Variants in KIF5A observed in about 807,000 individuals in gnomAD.
KIF5A encodes kinesin heavy chain isoform 5A.
In KIF5A, 35 loss-of-function variants were observed where a neutral mutation model predicts 141.3. That is an observed-to-expected ratio of 0.25 (90% CI 0.19 to 0.33). KIF5A has a LOEUF of 0.33. Among genes scored for constraint, KIF5A ranks in the 10% least tolerant of loss-of-function variants. KIF5A has a pLI of 1.00. For missense variants in KIF5A, 861 were observed against 1,314.3 expected, an observed-to-expected ratio of 0.66 and a Z score of 5.33; for synonymous variants, 448 against 500.2, an observed-to-expected ratio of 0.90 and a Z score of 1.39.
In KIF5A at chr12:57,572,720, T is replaced by A; in HGVS notation, c.1710T>A (p.Ile570=). The part of the protein sequence containing the change: ...EFSVIVGNGE[I]KLPVEISGAI... ...GTGTCATTGTGGGCAACGGGGAGATTAAGCTGGTGAGTGGTGAGAGACAGC... is the reference window on the plus strand; with the variant it reads ...GTGTCATTGTGGGCAACGGGGAGATAAAGCTGGTGAGTGGTGAGAGACAGC... Residue 570 remains isoleucine, a synonymous_variant, in exon 15 of 29, where the codon ATT becomes ATA. Coordinates refer to ENST00000455537, the MANE Select transcript of KIF5A (RefSeq NM_004984.4). This position sits in a 1 kb window ranked among gnomAD's most constrained non-coding sequence, Gnocchi z 4.2. 4 of 1,614,178 alleles carry A rather than the reference T, an allele frequency of 2.5e-6. No individual in the cohort carries two copies. Among genetic ancestry groups the A allele is most frequent in the Non-Finnish European group, 3.4e-6 (4 of 1,180,022 alleles).
chr12:57,577,863 A>G, intron 21 of KIF5A, 90 bp downstream of exon 21: 2 of 1,304,556 alleles, frequency 1.5e-6, no homozygotes, highest in Non-Finnish European at 2.2e-6. Flanking sequence ...GCCCTTTTGC[A>G]GCCATTCTGT....
In KIF5A at chr12:57,569,676, G is replaced by T. The variant is rs1333285940; in HGVS notation, c.1110G>T (p.Trp370Cys). The change falls in exon 11 of 29, where the codon TGG becomes TGT. Residue 370 changes from tryptophan (W) to cysteine (C), a missense_variant. Physicochemically the swap from Trp to Cys is radical, Grantham distance 215. This residue lies in a region of KIF5A where 167 missense variants were observed against 192.0 expected (regional missense o/e 0.87). Transcript: ENST00000455537. Reference sequence around the variant, plus strand: ...AGCTGGAGGCTGAGCTGAGCCGGTGGCGCAATGGTTAGAGAGGGATAGGTG... The same window carrying T: ...AGCTGGAGGCTGAGCTGAGCCGGTGTCGCAATGGTTAGAGAGGGATAGGTG... ...IAKLEAELSR[W>C]RNGENVPETE... 6.2e-7 allele frequency: 1 copy of T among 1,613,662 alleles called. No homozygotes were observed. Among genetic ancestry groups the T allele is most frequent in the Non-Finnish European group, 8.5e-7 (1 of 1,180,026 alleles).
At position 57,576,347 on chromosome 12, in the gene KIF5A, G is replaced by T. The variant is rs759690535; in HGVS notation, c.2167G>T (p.Glu723Ter). Reference protein sequence around the residue: ...QLARLRDEINEKQKTIDELKD... With the variant: ...QLARLRDEIN ...GGCCCGGCTCCGGGACGAGATCAAC[G>T]AGAAGCAGAAGACCATTGATGAGCT... is the stretch of plus-strand genomic sequence containing the variant. Residue 723 changes from glutamate to a stop codon, truncating the protein, a stop_gained, in exon 19 of 29, where the codon GAG becomes TAG. Transcript: ENST00000455537. LOFTEE classifies it high-confidence loss of function. 1 of 1,613,978 alleles carries T rather than the reference G, an allele frequency of 6.2e-7. No individual in the cohort carries two copies. Among genetic ancestry groups the T allele is most frequent in the South Asian group, 1.1e-5 (1 of 91,050 alleles).
At chr12:57,573,984 G>A (rs1408944104) in intron 15 of KIF5A, among the ~76,000 whole-genome samples, 6 of 151,398 alleles carry the variant, frequency 4.0e-5, no homozygotes, top group Non-Finnish European at 7.4e-5. Context: ...TCAGGAGGCT[G>A]AGGCAGGAGA....
At chr12:57,577,825 T>C in intron 21 of KIF5A, 52 bp downstream of exon 21, 2 of 1,466,506 alleles carry the variant, frequency 1.4e-6, no homozygotes, top group Non-Finnish European at 1.9e-6. Context: ...GTGGGGAGGC[T>C]TCATTTCTTC....
chr12:57,581,195 G>T (rs575365799), intron 24 of KIF5A, 23 bp downstream of exon 24: 1 of 1,607,770 alleles, frequency 6.2e-7, no homozygotes, highest in African/African-American at 1.3e-5. Context: ...TAGCAGGCAA[G>T]GTGGGAGTAT....
Position 57,572,626 on chromosome 12 carries a change from T to C in KIF5A, c.1616T>C (p.Val539Ala), listed in dbSNP as rs1386445853. 1 of 1,613,950 alleles carries C rather than the reference T, an allele frequency of 6.2e-7. No homozygotes were observed. The highest frequency in any genetic ancestry group is 1.7e-5 in the Admixed American group (1 of 60,010). The change falls in exon 15 of 29, where the codon GTC becomes GCC. Residue 539 changes from valine (V) to alanine (A), a missense_variant. Physicochemically the swap from Val to Ala is moderately conservative, Grantham distance 64. Around this residue, in one of 5 missense-constraint regions of KIF5A, gnomAD observed 482 missense variants for 661.3 expected, o/e 0.73. Coordinates refer to ENST00000455537, the MANE Select transcript of KIF5A (RefSeq NM_004984.4). This position sits in a 1 kb window ranked among gnomAD's most constrained non-coding sequence, Gnocchi z 4.2. ...TCTGAGTTGCAGCGGCTACAGGAGG[T>C]CAGTGGACACCAGCGAAAACGAATT... ...LESELQRLQE[V>A]SGHQRKRIAE...
At chr12:57,562,947 G>A (rs1881952305) in intron 1 of KIF5A, among the ~76,000 whole-genome samples, 2 of 151,728 alleles carry the variant, frequency 1.3e-5, no homozygotes, top group Non-Finnish European at 1.5e-5. Context: ...CTACCCCACA[G>A]ACACAACTCC....
In KIF5A at chr12:57,582,641, C is replaced by T. The variant is rs1882641314; in HGVS notation, c.3020+12C>T. On this transcript the variant is annotated intron_variant, in intron 27 of 28. Transcript: ENST00000455537. ...ATCAATGACAATAGGTACAACAGTC[C>T]CCACTACCCCTGGGTTCTCTGGGTG... The T allele has an allele frequency of 1.2e-6, 2 of 1,603,978 alleles. No homozygotes were observed. Among genetic ancestry groups the T allele is most frequent in the Admixed American group, 1.7e-5 (1 of 60,008 alleles).
intron 27 of KIF5A, 158 bp from the exon 28 acceptor site, chr12:57,582,943 T>C: frequency 1.4e-6 from 1 of 711,080 alleles, no homozygotes; most frequent in Non-Finnish European, 2.5e-6. Context: ...GACAAGTCAT[T>C]TACATCCCTC....
chr12:57,551,255 T>C (rs1478336506), intron 1 of KIF5A, among the ~76,000 whole-genome samples: 3 of 152,218 alleles, frequency 2.0e-5, no homozygotes, highest in East Asian at 3.8e-4. Flanking sequence ...TTACTCTACG[T>C]ATATTATTTA....
chr12:57,552,203 T>G (rs903764090), intron 1 of KIF5A, among the ~76,000 whole-genome samples: 2 of 152,070 alleles, frequency 1.3e-5, no homozygotes, highest in Non-Finnish European at 2.9e-5. Context: ...CTGGGAGGTT[T>G]TTCCAGTAAG....
At position 57,550,210 on chromosome 12, in the gene KIF5A, C is replaced by T; in HGVS notation, c.-62C>T. 6.2e-7 allele frequency: 1 copy of T among 1,610,578 alleles called. No individual in the cohort carries two copies. The highest frequency in any genetic ancestry group is 1.1e-5 in the South Asian group (1 of 90,970). ...CTCGGCCTCTGCTGAGAGCCCTCTCCTCTGGAGCACACACCACCCCTGCAG... is the reference window on the plus strand; with the variant it reads ...CTCGGCCTCTGCTGAGAGCCCTCTCTTCTGGAGCACACACCACCCCTGCAG... On this transcript the variant is annotated 5_prime_UTR_variant, in exon 1 of 29. Transcript: ENST00000455537. This position sits in a 1 kb window ranked among gnomAD's most constrained non-coding sequence, Gnocchi z 4.6.
chr12:57,578,159 A>G (rs878914289), intron 22 of KIF5A, 79 bp downstream of exon 22: 11 of 1,568,970 alleles, frequency 7.0e-6, no homozygotes, highest in African/African-American at 2.7e-5. Flanking sequence ...TGTTGCCCCT[A>G]TGGGGCTGGC....
intron 23 of KIF5A, among the ~76,000 whole-genome samples, chr12:57,579,541 G>A (rs968401770): frequency 1.9e-4 from 29 of 151,976 alleles, no homozygotes; most frequent in Admixed American, 1.5e-3. Flanking sequence ...TGTGCCCAGT[G>A]ATAATGTACA....
chr12:57,558,825 G>A (rs1881823072), intron 1 of KIF5A, among the ~76,000 whole-genome samples: 1 of 152,154 alleles, frequency 6.6e-6, no homozygotes, highest in Non-Finnish European at 1.5e-5. Flanking sequence ...GCTCAGGCTG[G>A]AGTGCAGTGG....
At chr12:57,576,694 C>G in intron 19 of KIF5A, 67 bp from the exon 20 acceptor site, 2 of 1,156,170 alleles carry the variant, frequency 1.7e-6, no homozygotes, top group Non-Finnish European at 2.6e-6. Flanking sequence ...GTTTGAAGAG[C>G]TGGCCTTCCC....
intron 19 of KIF5A, 63 bp from the exon 20 acceptor site, chr12:57,576,698 C>T (rs1882437057): frequency 2.5e-6 from 3 of 1,200,668 alleles, no homozygotes; most frequent in Non-Finnish European, 3.7e-6. Context: ...GAAGAGCTGG[C>T]CTTCCCTTCC....
intron 6 of KIF5A, 127 bp downstream of exon 6, chr12:57,565,100 C>A: frequency 1.2e-6 from 1 of 827,786 alleles, no homozygotes. Flanking sequence ...TGCCTAGGGG[C>A]CAGGGAGAGT....
Sources: gnomAD v4.1 joint callset for allele counts (sites outside exome capture counted in the v4.1 genomes callset) on GRCh38, gnomAD v4.1.1 for gene constraint, gnomAD v4.1.1 regional missense constraint, Gnocchi (gnomAD v3.1) non-coding constraint, MANE v1.5 for transcripts, NCBI Gene and HGNC (gene_info 2026-07-23, HGNC 2026-07-21) for gene names.